Variants in TRPC4 observed in about 807,000 individuals in gnomAD.
TRPC4 encodes transient receptor potential cation channel subfamily C member 4.
A neutral mutation model predicts 99.4 loss-of-function variants in TRPC4; 49 were observed. The observed-to-expected ratio is 0.49, with a 90% CI of 0.39 to 0.63. TRPC4 has a LOEUF of 0.63. TRPC4 is among the 20% of genes least tolerant of loss of function. The pLI is 0.00. For missense variants in TRPC4, 898 were observed against 1,152.9 expected, an observed-to-expected ratio of 0.78 and a Z score of 3.20; for synonymous variants, 454 against 425.9, an observed-to-expected ratio of 1.07 and a Z score of -0.81.
At chr13:37,825,517 C>A (rs1323260638) in intron 1 of TRPC4, among the ~76,000 whole-genome samples, 5 of 151,772 alleles carry the variant, frequency 3.3e-5, no homozygotes, top group Admixed American at 1.3e-4. Context: ...TTTCTGCCTT[C>A]ATTTTGTTAT....
In TRPC4 at chr13:37,816,534, C is replaced by A. The variant is rs1456861320; in HGVS notation, c.-27-33174G>T. On this transcript the variant is annotated intron_variant, in intron 1 of 10. Transcript: ENST00000379705. ...CTCCTCCCTAACTCATTCAATGAGG[C>A]CAGCATCATCCTGATACCAAAATCT... 2.0e-5 allele frequency among the ~76,000 whole-genome samples: 3 copies of A among 152,056 alleles called. No homozygotes were observed. The East Asian group carries it at 5.8e-4, about 29-fold the overall frequency.
chr13:37,817,256 T>A (rs1957882728), intron 1 of TRPC4, among the ~76,000 whole-genome samples: 1 of 152,014 alleles, frequency 6.6e-6, no homozygotes, highest in Admixed American at 6.6e-5. Flanking sequence ...AAATCAGGAA[T>A]GTAATCCCAT....
intron 1 of TRPC4, among the ~76,000 whole-genome samples, chr13:37,787,261 A>T (rs1566171084): frequency 6.6e-6 from 1 of 152,026 alleles, no homozygotes; most frequent in Non-Finnish European, 1.5e-5. Context: ...ATGTTTACGG[A>T]TGTAATCTCA....
At chr13:37,868,707 T>C (rs1959944656) in intron 1 of TRPC4, among the ~76,000 whole-genome samples, 2 of 152,128 alleles carry the variant, frequency 1.3e-5, no homozygotes, top group Non-Finnish European at 2.9e-5. Context: ...GCTTACTCCT[T>C]AAGCAACTTG....
intron 3 of TRPC4, among the ~76,000 whole-genome samples, chr13:37,723,708 C>T (rs1217791990): frequency 6.6e-6 from 1 of 151,964 alleles, no homozygotes; most frequent in East Asian, 1.9e-4. Flanking sequence ...ACTACGATGC[C>T]CAGCTAATTT....
At chr13:37,790,590 AG>A (rs1957093203) in intron 1 of TRPC4, among the ~76,000 whole-genome samples, 1 of 152,186 alleles carries the variant, frequency 6.6e-6, no homozygotes, top group Non-Finnish European at 1.5e-5. Flanking sequence ...TTATTAAATA[AG>A]GTTACTTATC....
At position 37,828,297 on chromosome 13, in the gene TRPC4, C is replaced by T. The variant is rs150997855; in HGVS notation, c.-28+41298G>A. ...CCTATTCGGCCATCTTGGCTCCTCC[C>T]CCTCCAGAATGGTTATTTTTAAAAA... is the stretch of plus-strand genomic sequence containing the variant. On this transcript the variant is annotated intron_variant, in intron 1 of 10. Coordinates refer to ENST00000379705, the MANE Select transcript of TRPC4 (RefSeq NM_016179.4). Among the ~76,000 whole-genome samples the T allele has an allele frequency of 5.1e-3, 773 of 152,266 alleles. 6 individuals carry two copies. The highest frequency in any genetic ancestry group is 7.5e-3 in the Non-Finnish European group (510 of 68,014).
intron 1 of TRPC4, among the ~76,000 whole-genome samples, chr13:37,795,403 C>A (rs571661727): frequency 6.6e-6 from 1 of 152,210 alleles, no homozygotes; most frequent in African/African-American, 2.4e-5. Context: ...GGAGGAGGAG[C>A]CTTGTTGACA....
rs749258848 is a variant in TRPC4, at chr13:37,639,072, T to A, written c.2179A>T (p.Thr727Ser). The stretch of plus-strand genomic sequence containing the variant: ...TTCTCTTCGGTCAGGCCTTCTTCAG[T>A]TTTAGCATCTCTAATCATTGCAGCA... ...YVAAMIRDAK[T>S]EEGLTEENFK... is the part of the protein sequence containing the mutation. The change falls in exon 10 of 11, where the codon ACT (threonine) becomes TCT (serine). Residue 727 changes from threonine to serine, a missense_variant. By Grantham distance (58) the Thr-to-Ser change is moderately conservative (BLOSUM62 1). Coordinates refer to ENST00000379705, the MANE Select transcript of TRPC4 (RefSeq NM_016179.4). 6.2e-7 allele frequency: 1 copy of A among 1,613,650 alleles called. No homozygotes were observed. The highest frequency in any genetic ancestry group is 8.5e-7 in the Non-Finnish European group (1 of 1,179,632).
At chr13:37,852,306 A>T (rs1959079937) in intron 1 of TRPC4, among the ~76,000 whole-genome samples, 2 of 152,228 alleles carry the variant, frequency 1.3e-5, no homozygotes, top group East Asian at 3.9e-4. Flanking sequence ...ACAGTAGGAG[A>T]GGGTACTGGG....
intron 3 of TRPC4, among the ~76,000 whole-genome samples, chr13:37,708,452 T>G (rs1954365043): frequency 1.3e-5 from 2 of 152,038 alleles, no homozygotes; most frequent in Non-Finnish European, 2.9e-5. Flanking sequence ...TAAATTTACT[T>G]TACCCAAAAC....
At chr13:37,640,733 A>G (rs969264357) in intron 8 of TRPC4, among the ~76,000 whole-genome samples, 3 of 152,156 alleles carry the variant, frequency 2.0e-5, no homozygotes, top group Non-Finnish European at 4.4e-5. Context: ...CTGCACTTCT[A>G]AAAGGAAACA....
chr13:37,766,283 A>T (rs1384721727), intron 2 of TRPC4, among the ~76,000 whole-genome samples: 1 of 151,456 alleles, frequency 6.6e-6, no homozygotes, highest in African/African-American at 2.4e-5. Flanking sequence ...CTCACATCTT[A>T]ACCCACTTTG....
At position 37,748,156 on chromosome 13, in the gene TRPC4, A is replaced by C. The variant is rs527297522; in HGVS notation, c.379-1701T>G. Among the ~76,000 whole-genome samples, 157 of 152,292 alleles carry C rather than the reference A, an allele frequency of 1.0e-3. 1 individual carries two copies. Among genetic ancestry groups the C allele is most frequent in the African/African-American group, 3.8e-3 (156 of 41,588 alleles). ...TTTCAATTTAATGTTTTTGGACCAC[A>C]GTTAAGCATTGGTAACTGAAACTGA... On this transcript the variant is annotated intron_variant, in intron 2 of 10. Transcript: ENST00000379705.
chr13:37,675,084 T>C (rs1223896420), intron 4 of TRPC4, among the ~76,000 whole-genome samples: 7 of 152,074 alleles, frequency 4.6e-5, no homozygotes, highest in Non-Finnish European at 1.0e-4. Flanking sequence ...CAGTAAATAT[T>C]AAAAGGGTAA....
chr13:37,805,305 A>G (rs1288049842), intron 1 of TRPC4, among the ~76,000 whole-genome samples: 1 of 152,026 alleles, frequency 6.6e-6, no homozygotes, highest in African/African-American at 2.4e-5. Flanking sequence ...ACTTATTTCT[A>G]TCAATGACAA....
intron 3 of TRPC4, among the ~76,000 whole-genome samples, chr13:37,717,633 G>A (rs1400949762): frequency 6.6e-6 from 1 of 152,042 alleles, no homozygotes; most frequent in Non-Finnish European, 1.5e-5. Flanking sequence ...GGGAAGACCA[G>A]GTGTAAATGC....
intron 8 of TRPC4, among the ~76,000 whole-genome samples, chr13:37,650,274 C>T (rs1356633008): frequency 6.6e-6 from 1 of 152,128 alleles, no homozygotes; most frequent in Non-Finnish European, 1.5e-5. Context: ...AATATGATAA[C>T]ATTTAAAAAT....
At chr13:37,745,471 T>TACACAC (rs1242035632) in intron 3 of TRPC4, among the ~76,000 whole-genome samples, 2 of 4,652 alleles carry the variant, frequency 4.3e-4, no homozygotes, top group African/African-American at 6.7e-4. Context: ...TATATATATA[T>TACACAC]ATACACACAC....
Sources: allele counts gnomAD v4.1 joint callset (sites outside exome capture counted in the v4.1 genomes callset), GRCh38; gene constraint gnomAD v4.1.1; transcripts MANE v1.5; gene names NCBI Gene and HGNC (gene_info 2026-07-23, HGNC 2026-07-21).